Variants in AGBL1 observed in about 807,000 individuals in gnomAD.
The protein encoded by AGBL1 is AGBL carboxypeptidase 1.
In AGBL1, 130 loss-of-function variants were observed where a neutral mutation model predicts 118.9. The observed-to-expected ratio is 1.09, with a 90% CI of 0.95 to 1.26. The LOEUF (loss-of-function observed/expected upper bound fraction) is 1.26, where lower values mean the gene tolerates loss of function less well. Ranked by LOEUF, AGBL1 falls within the 50% of genes most tolerant of loss-of-function variation. The probability of loss-of-function intolerance (pLI) is 0.00; values close to 1 mark genes in which losing one functional copy is unlikely to be tolerated. For synonymous variants in AGBL1, 555 were observed against 478.9 expected (o/e 1.16, Z -2.08); for missense variants, 1,584 against 1,298.1 (o/e 1.22, Z -3.38).
At chr15:86,562,418 TG>T (rs1178837386) in intron 21 of AGBL1, among the ~76,000 whole-genome samples, 12 of 152,266 alleles carry the variant, frequency 7.9e-5, no homozygotes, top group African/African-American at 2.9e-4. Flanking sequence ...TTTTTGTCTT[TG>T]CTTCTGTTTA....
intron 21 of AGBL1, among the ~76,000 whole-genome samples, chr15:86,597,132 TATCCATCCATCC>T (rs57387070): frequency 1.7e-4 from 25 of 147,504 alleles, no homozygotes; most frequent in Admixed American, 3.4e-4. Flanking sequence ...AATCTACCTA[TATCCATCCATCC>T]ATCCATCCAT....
intron 18 of AGBL1, among the ~76,000 whole-genome samples, chr15:86,479,232 G>C (rs1209286293): frequency 2.6e-5 from 4 of 152,188 alleles, no homozygotes; most frequent in Non-Finnish European, 5.9e-5. Context: ...ATTGACAAAT[G>C]AGATCTAATT....
At chr15:86,862,004 C>G (rs949354260) in intron 22 of AGBL1, among the ~76,000 whole-genome samples, 2 of 152,144 alleles carry the variant, frequency 1.3e-5, no homozygotes, top group African/African-American at 4.8e-5. Flanking sequence ...TTTAGAAAAA[C>G]TAGGGTTGGA....
chr15:86,080,964 C>T (rs1213991885), intron 1 of AGBL1, among the ~76,000 whole-genome samples: 1 of 152,154 alleles, frequency 6.6e-6, no homozygotes, highest in Admixed American at 6.5e-5. Context: ...ACCCCATTCC[C>T]CTGTTTAGAA....
intron 22 of AGBL1, among the ~76,000 whole-genome samples, chr15:86,770,018 A>G (rs142757322): frequency 7.3e-4 from 111 of 152,086 alleles, no homozygotes; most frequent in African/African-American, 2.6e-3. Flanking sequence ...ATCCTTTAAT[A>G]CTGTATATTG....
chr15:86,697,658 A>G (rs1030813006), intron 22 of AGBL1, among the ~76,000 whole-genome samples: 7 of 151,120 alleles, frequency 4.6e-5, no homozygotes, highest in Admixed American at 4.6e-4. Flanking sequence ...GTGTTAAAGA[A>G]CCTTGTTTTG....
intron 22 of AGBL1, among the ~76,000 whole-genome samples, chr15:86,840,535 T>G (rs927198503): frequency 2.0e-5 from 3 of 152,148 alleles, no homozygotes; most frequent in Admixed American, 2.0e-4. Flanking sequence ...AACCTCCGCC[T>G]CCGTGGTTCA....
intron 18 of AGBL1, among the ~76,000 whole-genome samples, chr15:86,440,508 TA>T (rs1567261327): frequency 6.6e-6 from 1 of 150,886 alleles, no homozygotes; most frequent in Non-Finnish European, 1.5e-5. Flanking sequence ...ATAATAATAA[TA>T]ATAACAGTTA....
At chr15:86,767,503 G>A (rs575439966) in intron 22 of AGBL1, among the ~76,000 whole-genome samples, 1 of 152,030 alleles carries the variant, frequency 6.6e-6, no homozygotes, top group African/African-American at 2.4e-5. Context: ...GATGGATTTA[G>A]TTTCAGGAGG....
rs2079039823 is a variant in AGBL1, at chr15:86,264,412, C to A, written c.1241C>A (p.Ser414Tyr). The A allele has an allele frequency of 6.2e-7, 1 of 1,613,984 alleles. No individual in the cohort carries two copies. The highest frequency in any genetic ancestry group is 8.5e-7 in the Non-Finnish European group (1 of 1,179,888). Residue 414 changes from serine to tyrosine, a missense_variant, in exon 11 of 23, where the codon TCC (serine) becomes TAC (tyrosine). By Grantham distance (144) the Ser-to-Tyr change is moderately radical. Coordinates refer to ENST00000614907, the MANE Select transcript of AGBL1 (RefSeq NM_001386094.1). ...GAAAGAGAATATGCTGTCCAGACTT[C>A]CCTTCTGTGCAGGGTGAAGACGGGA... Reference protein sequence around the residue: ...GQEREYAVQTSLLCRVKTGRS... With the variant: ...GQEREYAVQTYLLCRVKTGRS...
At chr15:86,516,793 CAAA>C (rs3084324) in intron 18 of AGBL1, among the ~76,000 whole-genome samples, 7,881 of 99,106 alleles carry the variant, frequency 0.08, 294 homozygotes, top group South Asian at 0.18. Flanking sequence ...AACTCCATCT[CAAA>C]AAAAAAAAAA....
rs542882760 is a variant in AGBL1 at position 86,569,808 on chromosome 15, G to A, written c.2994+15271G>A. 1.5e-3 allele frequency among the ~76,000 whole-genome samples: 223 copies of A among 152,310 alleles called. 6 individuals are homozygous for A. The South Asian group carries it at 0.043, about 29-fold the overall frequency. On this transcript the variant is annotated intron_variant, in intron 21 of 22. Coordinates refer to ENST00000614907, the MANE Select transcript of AGBL1 (RefSeq NM_001386094.1). ...GAACCATGAAATTTAAACGCCCATC[G>A]TAGAAAATTGTTCCTTCTATGAAAA...
intron 21 of AGBL1, among the ~76,000 whole-genome samples, chr15:86,591,538 C>T (rs986210643): frequency 1.3e-5 from 2 of 152,154 alleles, no homozygotes; most frequent in Non-Finnish European, 2.9e-5. Context: ...ACAGAACTCA[C>T]AGAAACACTT....
At chr15:86,733,320 T>C (rs1238063253) in intron 22 of AGBL1, among the ~76,000 whole-genome samples, 1 of 152,100 alleles carries the variant, frequency 6.6e-6, no homozygotes, top group Non-Finnish European at 1.5e-5. Flanking sequence ...CCTCTTCCTT[T>C]TTGTTCTATC....
intron 17 of AGBL1, among the ~76,000 whole-genome samples, chr15:86,389,605 T>G (rs34495206): frequency 0.051 from 7,828 of 152,044 alleles, 268 homozygotes; most frequent in East Asian, 0.15. Context: ...ATTAAAAGAG[T>G]AAATATGTGG....
intron 7 of AGBL1, among the ~76,000 whole-genome samples, chr15:86,250,359 T>G (rs1486504981): frequency 6.6e-6 from 1 of 151,542 alleles, no homozygotes; most frequent in African/African-American, 2.4e-5. Context: ...ACCCCATCTC[T>G]ACTAAAAATA....
At position 86,613,412 on chromosome 15, in the gene AGBL1, T is replaced by C. The variant is rs1456213527; in HGVS notation, c.2994+58875T>C. On this transcript the variant is annotated intron_variant, in intron 21 of 22. Coordinates refer to ENST00000614907, the MANE Select transcript of AGBL1 (RefSeq NM_001386094.1). This position sits in a 1 kb window ranked among gnomAD's most constrained non-coding sequence, Gnocchi z 4.2. Reference sequence around the variant, plus strand: ...GTGGGTGAGAAGACAGTGTCTGGCATGTTCAAAGCTGCTTAGCCAGATGAG... The same window carrying C: ...GTGGGTGAGAAGACAGTGTCTGGCACGTTCAAAGCTGCTTAGCCAGATGAG... Among the ~76,000 whole-genome samples the C allele has an allele frequency of 6.6e-6, 1 of 152,170 alleles. No individual in the cohort carries two copies. Among genetic ancestry groups the C allele is most frequent in the Non-Finnish European group, 1.5e-5 (1 of 68,030 alleles).
chr15:86,385,736 A>G (rs1019493325), intron 17 of AGBL1, among the ~76,000 whole-genome samples: 2 of 151,844 alleles, frequency 1.3e-5, no homozygotes, highest in Non-Finnish European at 2.9e-5. Context: ...ATGGATGAAG[A>G]CTCTCAATGG....
At chr15:86,824,396 G>A (rs2078980158) in intron 22 of AGBL1, among the ~76,000 whole-genome samples, 1 of 151,896 alleles carries the variant, frequency 6.6e-6, no homozygotes, top group Non-Finnish European at 1.5e-5. Flanking sequence ...GTACAAGAAT[G>A]GTATGATTAC....
Sources: gnomAD v4.1 joint callset for allele counts (sites outside exome capture counted in the v4.1 genomes callset) on GRCh38, gnomAD v4.1.1 for gene constraint, Gnocchi (gnomAD v3.1) non-coding constraint, MANE v1.5 for transcripts, NCBI Gene and HGNC (gene_info 2026-07-23, HGNC 2026-07-21) for gene names.